POU6F2: variants seen among roughly 807,000 people sequenced by gnomAD.
POU6F2 encodes POU class 6 homeobox 2, also known as POU domain, class 6, transcription factor 2.
A neutral mutation model predicts 71.3 loss-of-function variants in POU6F2; 31 were observed. The observed-to-expected ratio is 0.43, with a 90% CI of 0.33 to 0.59. The LOEUF (loss-of-function observed/expected upper bound fraction) is 0.59, where lower values mean the gene tolerates loss of function less well. Among genes scored for constraint, POU6F2 ranks in the 20% least tolerant of loss-of-function variants. POU6F2 has a pLI of 0.04. For synonymous variants in POU6F2, 347 were observed against 355.7 expected, an observed-to-expected ratio of 0.98 and a Z score of 0.27; for missense variants, 783 against 856.8, an observed-to-expected ratio of 0.91 and a Z score of 1.07.
intron 5 of POU6F2, among the ~76,000 whole-genome samples, chr7:39,387,458 G>A (rs111451092): frequency 0.011 from 1,663 of 152,314 alleles, 14 homozygotes; most frequent in Non-Finnish European, 0.016. Flanking sequence ...TTACGTAGCT[G>A]ATTGAATGTA....
At position 39,194,824 on chromosome 7, in the gene POU6F2, G is replaced by A. The variant is rs73365602; in HGVS notation, c.278-9411G>A. ...TCACTCCTTAAGTCAGCGAGACCAC[G>A]AACCCCCCCGGGGAGGAAGAAGCAA... On this transcript the variant is annotated intron_variant, in intron 2 of 9. Coordinates refer to ENST00000518318, the MANE Select transcript of POU6F2 (RefSeq NM_001370959.1). 7.2e-3 allele frequency among the ~76,000 whole-genome samples: 1,089 copies of A among 152,240 alleles called. 9 individuals are homozygous for A. The highest frequency in any genetic ancestry group is 0.025 in the African/African-American group (1,045 of 41,546).
At chr7:39,064,756 G>C (rs1399102156) in intron 1 of POU6F2, among the ~76,000 whole-genome samples, 1 of 151,678 alleles carries the variant, frequency 6.6e-6, no homozygotes, top group Admixed American at 6.6e-5. Flanking sequence ...GTAAAAATCA[G>C]AGAAGAAGCA....
intron 4 of POU6F2, among the ~76,000 whole-genome samples, chr7:39,236,303 G>T (rs774476370): frequency 2.0e-5 from 3 of 152,042 alleles, no homozygotes; most frequent in Admixed American, 6.6e-5. Context: ...ATAACTAAGC[G>T]CCTCTAAAAT....
In POU6F2 at chr7:39,466,866, A is replaced by C. The variant is rs1388668832; in HGVS notation, c.*2180A>C. The C allele has an allele frequency of 6.6e-6, 1 of 152,366 alleles. No homozygotes were observed. Among genetic ancestry groups the C allele is most frequent in the Non-Finnish European group, 1.5e-5 (1 of 68,060 alleles). The allele number at this position is 152,366 out of a possible 1,614,324, so 9.4% of individuals were successfully genotyped here. A position where few individuals can be genotyped will look rare whatever the true frequency, so the allele number is the denominator to read the frequency against. Reference sequence around the variant, plus strand: ...CTTTCGCCACCTCAAAAACTGCACAAACATGGACAACCCAGAAACCCAAAA... The same window carrying C: ...CTTTCGCCACCTCAAAAACTGCACACACATGGACAACCCAGAAACCCAAAA... On this transcript the variant is annotated 3_prime_UTR_variant, in exon 10 of 10. Coordinates refer to ENST00000518318, the MANE Select transcript of POU6F2 (RefSeq NM_001370959.1).
chr7:38,979,615 C>T (rs564308907), intron 1 of POU6F2, among the ~76,000 whole-genome samples: 12 of 152,144 alleles, frequency 7.9e-5, no homozygotes, highest in East Asian at 5.8e-4. Flanking sequence ...TACTCACTGA[C>T]GAGCAAATAT....
At chr7:39,419,320 C>G (rs1189591069) in intron 6 of POU6F2, among the ~76,000 whole-genome samples, 1 of 151,726 alleles carries the variant, frequency 6.6e-6, no homozygotes, top group Non-Finnish European at 1.5e-5. Flanking sequence ...CTCACTGCAA[C>G]CTCTGCCTGC....
At chr7:39,137,983 G>A (rs1219649600) in intron 2 of POU6F2, among the ~76,000 whole-genome samples, 1 of 152,126 alleles carries the variant, frequency 6.6e-6, no homozygotes, top group Non-Finnish European at 1.5e-5. Context: ...CAAATCTGGT[G>A]GGTGTCATCA....
intron 2 of POU6F2, among the ~76,000 whole-genome samples, chr7:39,176,634 G>A (rs1793336691): frequency 6.6e-6 from 1 of 152,096 alleles, no homozygotes; most frequent in Admixed American, 6.5e-5. Context: ...TTACATCATG[G>A]CCTTCAAATG....
chr7:39,399,908 G>A (rs1787260692), intron 5 of POU6F2, among the ~76,000 whole-genome samples: 1 of 151,858 alleles, frequency 6.6e-6, no homozygotes, highest in African/African-American at 2.4e-5. Context: ...AGGTCTCAAG[G>A]GGTCCAGAGT....
chr7:39,197,627 C>T (rs1793814915), intron 2 of POU6F2, among the ~76,000 whole-genome samples: 1 of 152,132 alleles, frequency 6.6e-6, no homozygotes, highest in Non-Finnish European at 1.5e-5. Flanking sequence ...AGGGTGCCTC[C>T]TAGCAATGAC....
intron 2 of POU6F2, among the ~76,000 whole-genome samples, chr7:39,177,986 T>G (rs1294320277): frequency 6.6e-6 from 1 of 152,184 alleles, no homozygotes; most frequent in East Asian, 1.9e-4. Flanking sequence ...CCAGGCGTGG[T>G]GGATCACGCC....
intron 5 of POU6F2, among the ~76,000 whole-genome samples, chr7:39,385,655 G>A (rs1282416151): frequency 6.6e-6 from 1 of 152,214 alleles, no homozygotes; most frequent in Non-Finnish European, 1.5e-5. Flanking sequence ...GAGGCTTAGA[G>A]AGGCTTGGTA....
chr7:39,409,704 G>A (rs569104626), intron 6 of POU6F2, among the ~76,000 whole-genome samples: 8 of 152,130 alleles, frequency 5.3e-5, no homozygotes, highest in African/African-American at 1.2e-4. Context: ...TCCACCCCAC[G>A]TGGGGAGACA....
chr7:39,186,886 G>C (rs115603810), intron 2 of POU6F2, among the ~76,000 whole-genome samples: 1 of 152,174 alleles, frequency 6.6e-6, no homozygotes, highest in Non-Finnish European at 1.5e-5. Context: ...CTAATGCTCA[G>C]AATCTCAGTA....
At chr7:39,381,186 A>C (rs938441596) in intron 5 of POU6F2, among the ~76,000 whole-genome samples, 1 of 152,106 alleles carries the variant, frequency 6.6e-6, no homozygotes, top group South Asian at 2.1e-4. Flanking sequence ...TGCCTCAGCC[A>C]CCTGAGTAGC....
chr7:39,371,181 G>GT (rs1562805812), intron 5 of POU6F2, among the ~76,000 whole-genome samples: 33 of 151,236 alleles, frequency 2.2e-4, no homozygotes, highest in African/African-American at 6.8e-4. Flanking sequence ...CTCGGAGAAT[G>GT]GTTTTTTTTT....
intron 1 of POU6F2, among the ~76,000 whole-genome samples, chr7:39,057,203 C>T (rs1790547354): frequency 6.6e-6 from 1 of 151,948 alleles, no homozygotes; most frequent in African/African-American, 2.4e-5. Context: ...GGAATTTGTG[C>T]TTCTGTTTCT....
intron 9 of POU6F2, among the ~76,000 whole-genome samples, chr7:39,463,441 G>A (rs904145238): frequency 2.6e-5 from 4 of 152,166 alleles, no homozygotes; most frequent in African/African-American, 9.7e-5. Context: ...GCAGGAGGTG[G>A]CCTTAGTACA....
At chr7:39,367,000 A>G (rs1281329511) in intron 5 of POU6F2, among the ~76,000 whole-genome samples, 1 of 152,032 alleles carries the variant, frequency 6.6e-6, no homozygotes, top group African/African-American at 2.4e-5. Flanking sequence ...TCAGGAATAC[A>G]AAAAGTTTTG....
Sources: gnomAD v4.1 joint callset for allele counts (sites outside exome capture counted in the v4.1 genomes callset) on GRCh38, gnomAD v4.1.1 for gene constraint, MANE v1.5 for transcripts, NCBI Gene and HGNC (gene_info 2026-07-23, HGNC 2026-07-21) for gene names.